Variants in ANKRD44 observed in about 807,000 individuals in gnomAD.
ANKRD44 encodes the protein ankyrin repeat domain 44, also known as serine/threonine-protein phosphatase 6 regulatory ankyrin repeat subunit B.
ANKRD44 carries 35 observed loss-of-function variants against 116.0 expected under a neutral mutation model. The observed-to-expected ratio is 0.30, with a 90% CI of 0.23 to 0.40. The LOEUF is 0.40. ANKRD44 is among the 10% of genes least tolerant of loss of function. The probability of loss-of-function intolerance (pLI) is 1.00; values close to 1 mark genes in which losing one functional copy is unlikely to be tolerated. For missense variants in ANKRD44, 1,014 were observed against 1,242.6 expected, an observed-to-expected ratio of 0.82 and a Z score of 2.77; for synonymous variants, 435 against 461.8, an observed-to-expected ratio of 0.94 and a Z score of 0.74.
intron 22 of ANKRD44, among the ~76,000 whole-genome samples, chr2:197,001,255 G>A (rs2076109496): frequency 6.6e-6 from 1 of 152,194 alleles, no homozygotes; most frequent in Admixed American, 6.5e-5. Flanking sequence ...GACTATGGAA[G>A]TCTGACTTAA....
At chr2:197,249,962 A>G (rs1245802500) in intron 1 of ANKRD44, among the ~76,000 whole-genome samples, 4 of 152,224 alleles carry the variant, frequency 2.6e-5, no homozygotes, top group Non-Finnish European at 5.9e-5. Flanking sequence ...TGGTGGCATA[A>G]TTTTAAAATT....
intron 16 of ANKRD44, chr2:197,029,543 C>T: frequency 2.1e-6 from 1 of 480,570 alleles, no homozygotes; most frequent in South Asian, 1.5e-5. Flanking sequence ...CAGTCCAATG[C>T]AGAAACATCC....
intron 9 of ANKRD44, among the ~76,000 whole-genome samples, chr2:197,107,377 G>A (rs1372846381): frequency 6.6e-6 from 1 of 152,162 alleles, no homozygotes; most frequent in Non-Finnish European, 1.5e-5. Flanking sequence ...CCAATGGTGA[G>A]GTCAAATGCC....
intron 10 of ANKRD44, among the ~76,000 whole-genome samples, chr2:197,091,021 G>A (rs1314219848): frequency 6.6e-6 from 1 of 152,210 alleles, no homozygotes; most frequent in Non-Finnish European, 1.5e-5. Flanking sequence ...AAGAGCTCAG[G>A]AACCACAAGT....
chr2:196,997,676 C>T (rs550391894), intron 25 of ANKRD44, among the ~76,000 whole-genome samples: 198 of 151,818 alleles, frequency 1.3e-3, no homozygotes, highest in Non-Finnish European at 1.3e-3. Flanking sequence ...CTCGAACTCC[C>T]GACCTCAGGT....
intron 1 of ANKRD44, among the ~76,000 whole-genome samples, chr2:197,219,598 T>C (rs1384607922): frequency 6.6e-6 from 1 of 152,184 alleles, no homozygotes; most frequent in Non-Finnish European, 1.5e-5. Flanking sequence ...GAGAGCTGTT[T>C]TAAAAATGAT....
At chr2:196,976,859 T>C (rs1224189220) in intron 21 of ANKRD44, among the ~76,000 whole-genome samples, 1 of 150,608 alleles carries the variant, frequency 6.6e-6, no homozygotes. Flanking sequence ...CAGAGTGAGA[T>C]CTTGTCTCAA....
chr2:197,273,994 T>A (rs1456278395), intron 1 of ANKRD44, among the ~76,000 whole-genome samples: 4,381 of 21,884 alleles, frequency 0.2, 1,007 homozygotes, highest in Non-Finnish European at 0.28. Context: ...TATATATATA[T>A]ATATATATAT....
chr2:196,997,046 C>T (rs949345004), intron 25 of ANKRD44, among the ~76,000 whole-genome samples: 6 of 151,768 alleles, frequency 4.0e-5, no homozygotes, highest in African/African-American at 1.2e-4. Context: ...ATCCCAAATT[C>T]GAAAATCTGA....
At chr2:196,996,393 T>A (rs1404223172) in intron 25 of ANKRD44, among the ~76,000 whole-genome samples, 1 of 152,236 alleles carries the variant, frequency 6.6e-6, no homozygotes, top group African/African-American at 2.4e-5. Context: ...ATGAAAGGAA[T>A]GGCTGAGACT....
intron 21 of ANKRD44, among the ~76,000 whole-genome samples, chr2:196,980,416 A>C (rs2075792452): frequency 6.6e-6 from 1 of 152,266 alleles, no homozygotes; most frequent in Non-Finnish European, 1.5e-5. Context: ...TCATTTCTGA[A>C]AAAAAGAAAT....
intron 7 of ANKRD44, 86 bp from the exon 8 acceptor site, chr2:197,121,630 G>C: frequency 1.7e-6 from 2 of 1,189,118 alleles, no homozygotes; most frequent in African/African-American, 1.5e-5. Context: ...GCTGTGGCTA[G>C]AGAAAGGAAA....
chr2:196,972,839 G>A (rs1559388743), intron 21 of ANKRD44, among the ~76,000 whole-genome samples: 1 of 152,124 alleles, frequency 6.6e-6, no homozygotes, highest in Non-Finnish European at 1.5e-5. Context: ...CTTGTTGAAA[G>A]GGTATGTATA....
In ANKRD44 at chr2:197,216,580, C is replaced by A. The variant is rs1206232223; in HGVS notation, c.28-29474G>T. On this transcript the variant is annotated intron_variant, in intron 1 of 27. Coordinates refer to ENST00000282272, the MANE Select transcript of ANKRD44 (RefSeq NM_001195144.2). ...ATCCAGGCTGACCAGAGTGCTTTTT[C>A]AGAAATTGATTTGGATTGTGGGAGG... is the stretch of plus-strand genomic sequence containing the variant. Among the ~76,000 whole-genome samples, 3 of 152,078 alleles carry A rather than the reference C, an allele frequency of 2.0e-5. No homozygotes were observed. In the East Asian group the frequency reaches 5.8e-4, roughly 29 times the overall value.
chr2:197,093,271 T>G (rs1435407641), intron 10 of ANKRD44, among the ~76,000 whole-genome samples: 1 of 152,052 alleles, frequency 6.6e-6, no homozygotes, highest in African/African-American at 2.4e-5. Flanking sequence ...AGAAACCAAT[T>G]GGGAAAAACA....
chr2:197,137,354 T>G (rs2079243917), intron 3 of ANKRD44, among the ~76,000 whole-genome samples: 1 of 151,062 alleles, frequency 6.6e-6, no homozygotes, highest in South Asian at 2.1e-4. Context: ...GGACAGAGAG[T>G]GGAGAAACAA....
At chr2:196,993,834 C>T (rs1362546277) in intron 26 of ANKRD44, among the ~76,000 whole-genome samples, 160 bp from the exon 27 acceptor site, 1 of 152,134 alleles carries the variant, frequency 6.6e-6, no homozygotes, top group Non-Finnish European at 1.5e-5. Context: ...AGATCTTTTC[C>T]AGGTGCTAAT....
rs1383216272 is a variant in ANKRD44, at chr2:197,118,618, AG to A, written c.906+2713del. 5.0e-3 allele frequency among the ~76,000 whole-genome samples: 435 copies of A among 87,650 alleles called. 6 individuals are homozygous for A. The highest frequency in any genetic ancestry group is 0.014 in the African/African-American group (394 of 27,762). 57.5% of individuals were successfully genotyped at this position (87,650 alleles called of 152,430 possible). On this transcript the variant is annotated intron_variant, in intron 8 of 27. Transcript: ENST00000282272. ...AAACAAAAGAAAGAGAGAAAGAAAG[AG>A]AGAGAGAGAGAGAGAGAGAGAAAGA...
At chr2:197,290,186 T>A (rs868662052) in intron 1 of ANKRD44, among the ~76,000 whole-genome samples, 8 of 152,138 alleles carry the variant, frequency 5.3e-5, no homozygotes, top group Middle Eastern at 6.8e-3. Flanking sequence ...ATGCCTATAA[T>A]CCCAGGTTGT....
Sources: allele counts gnomAD v4.1 joint callset (sites outside exome capture counted in the v4.1 genomes callset), GRCh38; gene constraint gnomAD v4.1.1; transcripts MANE v1.5; gene names NCBI Gene and HGNC (gene_info 2026-07-23, HGNC 2026-07-21).